The following UEVLD variants were observed in gnomAD, a reference collection of about 807,000 sequenced individuals.
UEVLD encodes the protein UEV and lactate/malate dehyrogenase domains, also known as ubiquitin-conjugating enzyme E2 variant 3.
Under a neutral mutation model 58.6 loss-of-function variants are expected in UEVLD, and 47 were observed. The observed-to-expected ratio is 0.80, with a 90% confidence interval of 0.63 to 1.02. The LOEUF is 1.02. UEVLD is among the 50% of genes least tolerant of loss of function. The probability of loss-of-function intolerance (pLI) is 0.00; values close to 1 mark genes in which losing one functional copy is unlikely to be tolerated. For missense variants in UEVLD, 510 were observed against 550.6 expected (o/e 0.93, Z 0.74); for synonymous variants, 197 against 195.3 (o/e 1.01, Z -0.07).
At chr11:18,542,885 C>CTTT (rs1323061711) in intron 9 of UEVLD, among the ~76,000 whole-genome samples, 2 of 97,174 alleles carry the variant, frequency 2.1e-5, no homozygotes, top group African/African-American at 3.5e-5. Flanking sequence ...ATTTTCTTTT[C>CTTT]TTTTCTTTTT....
chr11:18,552,981 CCG>C, intron 7 of UEVLD, among the ~76,000 whole-genome samples: 1 of 148,378 alleles, frequency 6.7e-6, no homozygotes, highest in South Asian at 2.3e-4. Flanking sequence ...TGGTGAAACC[CCG>C]TCTCTACTAA....
chr11:18,575,073 G>T (rs2134050581), intron 3 of UEVLD, among the ~76,000 whole-genome samples: 1 of 152,212 alleles, frequency 6.6e-6, no homozygotes, highest in Admixed American at 6.5e-5. Flanking sequence ...TTTGGGCAAT[G>T]TATTCTCATT....
At chr11:18,544,985 CAT>C (rs113763870) in intron 8 of UEVLD, among the ~76,000 whole-genome samples, 189 bp from the exon 9 acceptor site, 6 of 139,214 alleles carry the variant, frequency 4.3e-5, no homozygotes, top group Non-Finnish European at 6.2e-5. Flanking sequence ...TACACACATA[CAT>C]ACACACATAT....
intron 6 of UEVLD, among the ~76,000 whole-genome samples, chr11:18,558,711 G>C (rs567939624): frequency 5.4e-4 from 81 of 151,064 alleles, no homozygotes; most frequent in Non-Finnish European, 1.1e-3. Flanking sequence ...TTGAACCCAG[G>C]AGGCAGAGTT....
intron 1 of UEVLD, among the ~76,000 whole-genome samples, chr11:18,581,200 C>T (rs1853222685): frequency 6.7e-6 from 1 of 148,790 alleles, no homozygotes; most frequent in Non-Finnish European, 1.5e-5. Flanking sequence ...CTACTGCCTA[C>T]AAACTTCAAC....
rs368258481 is a variant in UEVLD, at chr11:18,542,211, G to A, written c.1060+2412C>T. Among the ~76,000 whole-genome samples the A allele has an allele frequency of 1.2e-4, 18 of 152,108 alleles. No individual in the cohort carries two copies. The South Asian group carries it at 3.3e-3, about 28-fold the overall frequency. Reference sequence around the variant, plus strand: ...TATTATTATTTTCACATCATTTACCGGGTAGACTAGAGGGGAAGAGGCAAA... The same window carrying A: ...TATTATTATTTTCACATCATTTACCAGGTAGACTAGAGGGGAAGAGGCAAA... On this transcript the variant is annotated intron_variant, in intron 9 of 11. Transcript: ENST00000396197.
chr11:18,551,677 C>G (rs1291506896), intron 7 of UEVLD, among the ~76,000 whole-genome samples: 1 of 152,136 alleles, frequency 6.6e-6, no homozygotes, highest in Non-Finnish European at 1.5e-5. Flanking sequence ...TAAGTTTCCT[C>G]CCATGCCAAG....
At position 18,566,338 on chromosome 11, in the gene UEVLD, T is replaced by C. The variant is rs1438530044; in HGVS notation, c.493+9A>G. 9.9e-6 allele frequency: 16 copies of C among 1,613,666 alleles called. No individual in the cohort carries two copies. The highest frequency in any genetic ancestry group is 1.1e-5 in the Non-Finnish European group (13 of 1,179,978). Reference sequence around the variant, plus strand: ...CTCTCAAGATAATCTGCCTGACAAATATACAAACCTTCAGTGATTTTTGCA... The same window carrying C: ...CTCTCAAGATAATCTGCCTGACAAACATACAAACCTTCAGTGATTTTTGCA... On this transcript the variant is annotated intron_variant, in intron 5 of 11. Coordinates refer to ENST00000396197, the MANE Select transcript of UEVLD (RefSeq NM_001040697.4).
At chr11:18,568,681 T>C (rs575694405) in intron 4 of UEVLD, among the ~76,000 whole-genome samples, 63 of 152,288 alleles carry the variant, frequency 4.1e-4, no homozygotes, top group African/African-American at 1.4e-3. Flanking sequence ...AGTATGTCCT[T>C]TGTTTTTTCT....
intron 1 of UEVLD, among the ~76,000 whole-genome samples, chr11:18,587,293 G>A (rs1853625837): frequency 6.6e-6 from 1 of 152,126 alleles, no homozygotes; most frequent in Non-Finnish European, 1.5e-5. Context: ...CTCTGAAGAG[G>A]AGACAGAAAG....
At chr11:18,532,594 T>G in intron 11 of UEVLD, 107 bp from the exon 12 acceptor site, 1 of 994,428 alleles carries the variant, frequency 1.0e-6, no homozygotes, top group Non-Finnish European at 1.4e-6. Flanking sequence ...TGATACAAGT[T>G]GGACTTAAAA....
At chr11:18,532,895 A>G (rs1261015045) in intron 11 of UEVLD, among the ~76,000 whole-genome samples, 2 of 152,182 alleles carry the variant, frequency 1.3e-5, no homozygotes, top group African/African-American at 2.4e-5. Flanking sequence ...TGGTACCATA[A>G]GAGTGTGTAT....
In UEVLD at chr11:18,547,037, A is replaced by G; in HGVS notation, c.729T>C (p.Ser243=). ...NVEISKDLSA[S]AHSKVVIFTV... ...TGAAGATCACCACCTTGGAATGAGC[A>G]GAGGCAGACAAATCTAGTGAATGAA... Residue 243 remains serine, a synonymous_variant, in exon 8 of 12, where the codon TCT becomes TCC. Coordinates refer to ENST00000396197, the MANE Select transcript of UEVLD (RefSeq NM_001040697.4). 3 of 1,611,328 alleles carry G rather than the reference A, an allele frequency of 1.9e-6. No individual in the cohort carries two copies. The highest frequency in any genetic ancestry group is 1.7e-6 in the Non-Finnish European group (2 of 1,179,436).
rs1279433502 is a variant in UEVLD at position 18,529,880 on chromosome 11, C to T, written c.*2440G>A. On this transcript the variant is annotated 3_prime_UTR_variant, in exon 12 of 12. Transcript: ENST00000396197. ...GGGATTTACAACATGATTACTAATA[C>T]ACTTAACACTCAAGGAAATATCTGA... is the stretch of plus-strand genomic sequence containing the variant. 2 of 152,172 alleles carry T rather than the reference C, an allele frequency of 1.3e-5. No individual in the cohort carries two copies. The highest frequency in any genetic ancestry group is 4.8e-5 in the African/African-American group (2 of 41,464). The allele number at this position is 152,172 out of a possible 1,614,324, so 9.4% of individuals were successfully genotyped here.
At chr11:18,561,901 G>GAA (rs372315047) in intron 6 of UEVLD, among the ~76,000 whole-genome samples, 2 of 143,818 alleles carry the variant, frequency 1.4e-5, no homozygotes, top group Admixed American at 7.0e-5. Flanking sequence ...TCCATCTCAA[G>GAA]AAAAAAAAAA....
intron 6 of UEVLD, among the ~76,000 whole-genome samples, chr11:18,562,089 CA>C (rs1852064036): frequency 6.6e-6 from 1 of 152,058 alleles, no homozygotes; most frequent in Non-Finnish European, 1.5e-5. Flanking sequence ...AAAAGAAAAA[CA>C]GAATTTTTTT....
chr11:18,579,455 A>G (rs748081259), intron 1 of UEVLD: 44 of 985,308 alleles, frequency 4.5e-5, no homozygotes, highest in Non-Finnish European at 5.3e-5. Flanking sequence ...GATGAGGCAG[A>G]ATGGATCACC....
intron 4 of UEVLD, among the ~76,000 whole-genome samples, chr11:18,569,097 C>CCCT (rs1852454277): frequency 6.6e-6 from 1 of 152,020 alleles, no homozygotes; most frequent in Non-Finnish European, 1.5e-5. Context: ...GGTTTCACTG[C>CCCT]GTTAGCCAAG....
intron 1 of UEVLD, among the ~76,000 whole-genome samples, chr11:18,583,212 T>C (rs1039426073): frequency 2.3e-4 from 28 of 120,078 alleles, no homozygotes; most frequent in African/African-American, 8.0e-4. Flanking sequence ...GCGTGAGCCA[T>C]TGTGCCCAGC....
Sources: allele counts gnomAD v4.1 joint callset (sites outside exome capture counted in the v4.1 genomes callset), GRCh38; gene constraint gnomAD v4.1.1; transcripts MANE v1.5; gene names NCBI Gene and HGNC (gene_info 2026-07-23, HGNC 2026-07-21).